PTPN14: variants seen among roughly 807,000 people sequenced by gnomAD.
The protein encoded by PTPN14 is tyrosine-protein phosphatase non-receptor type 14.
PTPN14 carries 53 observed loss-of-function variants against 126.8 expected under a neutral mutation model. The ratio of observed to expected loss-of-function variants is 0.42; its 90% CI spans 0.34 to 0.53. The LOEUF (loss-of-function observed/expected upper bound fraction) is 0.53. PTPN14 is among the 20% of genes least tolerant of loss of function. The pLI, the probability that PTPN14 is intolerant of heterozygous loss-of-function variation, is 0.08. For synonymous variants in PTPN14, 630 were observed against 599.3 expected (o/e 1.05, Z -0.75); for missense variants, 1,257 against 1,552.9 (o/e 0.81, Z 3.20).
chr1:214,401,063 T>G (rs1659003313), intron 7 of PTPN14, among the ~76,000 whole-genome samples: 1 of 151,856 alleles, frequency 6.6e-6, no homozygotes, highest in Non-Finnish European at 1.5e-5. Flanking sequence ...GGAAAATGAG[T>G]TTGGATGATG....
chr1:214,366,421 T>C (rs1010130323), intron 17 of PTPN14, among the ~76,000 whole-genome samples: 10 of 152,200 alleles, frequency 6.6e-5, no homozygotes, highest in African/African-American at 2.2e-4. Flanking sequence ...GGTAATACGG[T>C]AGATGCCACT....
At chr1:214,397,604 A>G (rs1658915492) in intron 8 of PTPN14, among the ~76,000 whole-genome samples, 1 of 152,236 alleles carries the variant, frequency 6.6e-6, no homozygotes, top group African/African-American at 2.4e-5. Context: ...AGAACAATGG[A>G]AAGAAGTGTT....
At chr1:214,393,853 G>C in intron 9 of PTPN14, 76 bp from the exon 10 acceptor site, 1 of 1,200,202 alleles carries the variant, frequency 8.3e-7, no homozygotes, top group Non-Finnish European at 1.2e-6. Context: ...TTCTTCTGAG[G>C]AGGGACACAC....
intron 5 of PTPN14, among the ~76,000 whole-genome samples, chr1:214,406,007 G>A (rs1659161905): frequency 6.6e-6 from 1 of 152,174 alleles, no homozygotes; most frequent in Admixed American, 6.5e-5. Context: ...CAATGGGGCA[G>A]GGGCAGGGGC....
At chr1:214,487,074 A>T (rs1661130955) in intron 1 of PTPN14, among the ~76,000 whole-genome samples, 1 of 152,220 alleles carries the variant, frequency 6.6e-6, no homozygotes, top group Non-Finnish European at 1.5e-5. Context: ...GTAAGTGCAG[A>T]AATGAACTGC....
chr1:214,366,181 T>C (rs1237308972), intron 17 of PTPN14, among the ~76,000 whole-genome samples: 2 of 151,854 alleles, frequency 1.3e-5, no homozygotes, highest in Non-Finnish European at 2.9e-5. Flanking sequence ...TCCGCCTCAA[T>C]TAAAAAAAGA....
At chr1:214,408,265 G>A (rs1659215663) in intron 5 of PTPN14, among the ~76,000 whole-genome samples, 1 of 152,122 alleles carries the variant, frequency 6.6e-6, no homozygotes, top group African/African-American at 2.4e-5. Context: ...CAGTGCTTGG[G>A]GTGAAAGAGT....
chr1:214,359,024 G>A (rs761550133), intron 18 of PTPN14, among the ~76,000 whole-genome samples: 19 of 151,858 alleles, frequency 1.3e-4, no homozygotes, highest in East Asian at 5.8e-4. Context: ...GATTACAGGC[G>A]TGAGCCACCC....
chr1:214,371,018 C>T (rs1033468853), intron 16 of PTPN14, among the ~76,000 whole-genome samples: 9 of 152,196 alleles, frequency 5.9e-5, no homozygotes, highest in Admixed American at 5.2e-4. Context: ...ATTTACCAAT[C>T]CTGTGAAAGC....
At chr1:214,468,491 G>T (rs1475337134) in intron 1 of PTPN14, among the ~76,000 whole-genome samples, 1 of 152,134 alleles carries the variant, frequency 6.6e-6, no homozygotes, top group East Asian at 1.9e-4. Context: ...AGGAGGCAGA[G>T]GTTGCAGTGA....
intron 3 of PTPN14, among the ~76,000 whole-genome samples, chr1:214,436,464 G>C (rs114756521): frequency 0.039 from 5,963 of 152,206 alleles, 378 homozygotes; most frequent in African/African-American, 0.13. Context: ...AAAATATTTT[G>C]AAACCATATT....
rs1255158605 is a variant in PTPN14, at chr1:214,351,477, C to T, written c.*6445G>A. The T allele has an allele frequency of 6.6e-6, 1 of 152,084 alleles. No homozygotes were observed. Among genetic ancestry groups the T allele is most frequent in the African/African-American group, 2.4e-5 (1 of 41,394 alleles). The allele number at this position is 152,084 out of a possible 1,614,324, so 9.4% of individuals were successfully genotyped here. ...GGCCTGAATAGAAACATGACTTGCT[C>T]TAAAGGGGAATGTCCTCTGCAGCAC... On this transcript the variant is annotated 3_prime_UTR_variant, in exon 19 of 19. Coordinates refer to ENST00000366956, the MANE Select transcript of PTPN14 (RefSeq NM_005401.5).
At position 214,454,787 on chromosome 1, in the gene PTPN14, G is replaced by A. The variant is rs529153523; in HGVS notation, c.175-2813C>T. On this transcript the variant is annotated intron_variant, in intron 2 of 18. Coordinates refer to ENST00000366956, the MANE Select transcript of PTPN14 (RefSeq NM_005401.5). The stretch of plus-strand genomic sequence containing the variant: ...CAGAATATTTCAGGGTGACTCACCA[G>A]GTAATTATCCAGTGAAATAATTACA... Among the ~76,000 whole-genome samples, 19 of 152,298 alleles carry A rather than the reference G, an allele frequency of 1.2e-4. 1 individual carries two copies. The South Asian group carries it at 3.7e-3, about 30-fold the overall frequency.
chr1:214,535,028 T>C (rs533788872), intron 1 of PTPN14, among the ~76,000 whole-genome samples: 5 of 152,198 alleles, frequency 3.3e-5, no homozygotes, highest in Admixed American at 1.3e-4. Flanking sequence ...GTAGCGGATA[T>C]AGCAAACATA....
rs778482776 is a variant in PTPN14 at position 214,364,679 on chromosome 1, C to T, written c.3272-4G>A. 26 of 1,608,210 alleles carry T rather than the reference C, an allele frequency of 1.6e-5. No homozygotes were observed. The highest frequency in any genetic ancestry group is 1.5e-5 in the Non-Finnish European group (18 of 1,177,730). ...GACTGGATCTCCTCCAAGTAGGCTG[C>T]AGGACAAAATGCAAATTCTGTCACC... On this transcript the variant is annotated splice_polypyrimidine_tract_variant and splice_region_variant and intron_variant, in intron 17 of 18. Transcript: ENST00000366956. The surrounding 1 kb of genome is among the most constrained non-coding windows in gnomAD (Gnocchi z 4.1).
At chr1:214,490,403 C>T (rs189009663) in intron 1 of PTPN14, among the ~76,000 whole-genome samples, 72 of 152,270 alleles carry the variant, frequency 4.7e-4, no homozygotes, top group African/African-American at 1.7e-3. Context: ...CACAGTAAAA[C>T]TGTATAGTTA....
chr1:214,414,496 G>A, intron 4 of PTPN14, 133 bp downstream of exon 4: 1 of 861,042 alleles, frequency 1.2e-6, no homozygotes, highest in East Asian at 2.5e-5. Context: ...TTTCACGTAA[G>A]ATAACTTGAA....
At chr1:214,446,473 A>G (rs903925058) in intron 3 of PTPN14, among the ~76,000 whole-genome samples, 3 of 152,196 alleles carry the variant, frequency 2.0e-5, no homozygotes, top group African/African-American at 7.2e-5. Flanking sequence ...TGTCAAATTA[A>G]TGTCAAAAAA....
At chr1:214,379,493 A>G (rs922498711) in intron 13 of PTPN14, among the ~76,000 whole-genome samples, 5 of 152,212 alleles carry the variant, frequency 3.3e-5, no homozygotes, top group Non-Finnish European at 1.5e-5. Context: ...CAGACAAACC[A>G]AAGGAGTATC....
Sources: allele counts gnomAD v4.1 joint callset (sites outside exome capture counted in the v4.1 genomes callset), GRCh38; gene constraint gnomAD v4.1.1; non-coding constraint Gnocchi (gnomAD v3.1); transcripts MANE v1.5; gene names NCBI Gene and HGNC (gene_info 2026-07-23, HGNC 2026-07-21).